The following KIF1A variants were observed in gnomAD, a reference collection of about 807,000 sequenced individuals.
KIF1A encodes the protein kinesin-like protein KIF1A.
Under a neutral mutation model 227.3 loss-of-function variants are expected in KIF1A, and 46 were observed. That is an observed-to-expected ratio of 0.20 (90% confidence interval 0.16 to 0.26). The LOEUF (loss-of-function observed/expected upper bound fraction) is 0.26. Ranked by LOEUF, KIF1A falls within the 10% of genes least tolerant of loss-of-function variation. The pLI, the probability that KIF1A is intolerant of heterozygous loss-of-function variation, is 1.00. For missense variants in KIF1A, 1,683 were observed against 2,485.9 expected, an observed-to-expected ratio of 0.68 and a Z score of 6.87; for synonymous variants, 1,022 against 1,012.8, an observed-to-expected ratio of 1.01 and a Z score of -0.17.
chr2:240,740,634 G>C lies in KIF1A; in HGVS notation c.3750-270C>G, dbSNP rs889718346. On this transcript the variant is annotated intron_variant, in intron 35 of 48. Transcript: ENST00000498729. The surrounding 1 kb of genome is among the most constrained non-coding windows in gnomAD (Gnocchi z 6.1). The stretch of plus-strand genomic sequence containing the variant: ...GGCACAGCCTGGCCCCTCTGGGCTG[G>C]ATCTTTGTAAGTTCCCAAGGGTCCT... Among the ~76,000 whole-genome samples, 1 of 152,078 alleles carries C rather than the reference G, an allele frequency of 6.6e-6. No homozygotes were observed. The highest frequency in any genetic ancestry group is 2.4e-5 in the African/African-American group (1 of 41,404).
chr2:240,788,027 C>G lies in KIF1A; in HGVS notation c.363+24G>C. 6.8e-7 allele frequency: 1 copy of G among 1,469,028 alleles called. No homozygotes were observed. The highest frequency in any genetic ancestry group is 9.3e-7 in the Non-Finnish European group (1 of 1,075,006). The allele number at this position is 1,469,028 out of a possible 1,614,324, so 91.0% of individuals were successfully genotyped here. On this transcript the variant is annotated intron_variant, in intron 4 of 48. Coordinates refer to ENST00000498729, the MANE Select transcript of KIF1A (RefSeq NM_001244008.2). The surrounding 1 kb of genome is among the most constrained non-coding windows in gnomAD (Gnocchi z 6.6). ...GTCCCGCCCCATCTGCCAGGGCTGC[C>G]CCCGCCCGCCCCCCGCTTCGTGCCT...
intron 45 of KIF1A, 133 bp from the exon 46 acceptor site, chr2:240,720,059 C>G: frequency 2.5e-6 from 2 of 812,820 alleles, no homozygotes; most frequent in Non-Finnish European, 3.5e-6. Flanking sequence ...TCCAGCTGTG[C>G]CCACAGTGGG....
At position 240,737,056 on chromosome 2, in the gene KIF1A, G is replaced by A. The variant is rs555842583; in HGVS notation, c.4007+7C>T. The A allele has an allele frequency of 1.5e-4, 244 of 1,607,312 alleles. 1 individual carries two copies. In the South Asian group the frequency reaches 2.3e-3, roughly 15 times the overall value. ...TGGGCCCTGTCTCCAGGGAGTCTCCGACTCACCGGTCATCTTGGGCTGGGT... is the reference window on the plus strand; with the variant it reads ...TGGGCCCTGTCTCCAGGGAGTCTCCAACTCACCGGTCATCTTGGGCTGGGT... On this transcript the variant is annotated splice_region_variant and intron_variant, in intron 38 of 48. Coordinates refer to ENST00000498729, the MANE Select transcript of KIF1A (RefSeq NM_001244008.2).
At chr2:240,808,806 C>T (rs531607888) in intron 1 of KIF1A, among the ~76,000 whole-genome samples, 1 of 152,212 alleles carries the variant, frequency 6.6e-6, no homozygotes, top group African/African-American at 2.4e-5. Flanking sequence ...TCTTGACTCA[C>T]TGCAACCTCC....
intron 10 of KIF1A, among the ~76,000 whole-genome samples, chr2:240,780,421 C>T (rs912013224): frequency 1.3e-5 from 2 of 152,100 alleles, no homozygotes; most frequent in Non-Finnish European, 2.9e-5. Context: ...ACACACTTCC[C>T]GCCTGCTTCC....
At chr2:240,779,244 ACT>A (rs1365145468) in intron 10 of KIF1A, among the ~76,000 whole-genome samples, 8 of 144,940 alleles carry the variant, frequency 5.5e-5, no homozygotes, top group African/African-American at 1.9e-4. Context: ...TCAGTCCCTC[ACT>A]CAGTTCCACA....
chr2:240,754,734 C>T (rs540306410), intron 27 of KIF1A, among the ~76,000 whole-genome samples: 21 of 152,326 alleles, frequency 1.4e-4, no homozygotes, highest in African/African-American at 5.1e-4. Flanking sequence ...CTACCAGCCA[C>T]AGACACACCC....
chr2:240,777,339 C>T (rs111913908), intron 10 of KIF1A, among the ~76,000 whole-genome samples: 6,048 of 152,268 alleles, frequency 0.04, 181 homozygotes, highest in Middle Eastern at 0.071. Flanking sequence ...CCACCGCGCC[C>T]GGCCTCTAGT....
chr2:240,769,021 G>A, intron 17 of KIF1A, 112 bp downstream of exon 17: 1 of 915,216 alleles, frequency 1.1e-6, no homozygotes, highest in Non-Finnish European at 1.8e-6. Context: ...CTGGGCCAGA[G>A]CCCCACCGTG....
intron 10 of KIF1A, among the ~76,000 whole-genome samples, chr2:240,777,659 G>A (rs987943341): frequency 6.6e-6 from 1 of 152,128 alleles, no homozygotes; most frequent in African/African-American, 2.4e-5. Context: ...GCCTGAGGAC[G>A]CACCCTTGGC....
In KIF1A at chr2:240,757,454, T is replaced by TCCC; in HGVS notation, c.2720_2722dup (p.Gly907dup). 1.3e-6 allele frequency: 2 copies of TCCC among 1,502,876 alleles called. No individual in the cohort carries two copies. Among genetic ancestry groups the TCCC allele is most frequent in the Non-Finnish European group, 1.8e-6 (2 of 1,121,830 alleles). 93.1% of individuals were successfully genotyped at this position (1,502,876 alleles called of 1,614,324 possible). ...CTCCTCCTCCTCCTCCTCCTCCTCC[T>TCCC]CCCCCACGCTCTGCTCCTCGGCAGG... On this transcript the variant is annotated inframe_insertion, in exon 27 of 49. Transcript: ENST00000498729. The surrounding 1 kb of genome is among the most constrained non-coding windows in gnomAD (Gnocchi z 6.2).
chr2:240,799,640 CT>C (rs1559540354), intron 1 of KIF1A, among the ~76,000 whole-genome samples: 2 of 152,156 alleles, frequency 1.3e-5, no homozygotes, highest in Non-Finnish European at 2.9e-5. Flanking sequence ...AATCCCTGCA[CT>C]TTTAAAACTG....
intron 1 of KIF1A, among the ~76,000 whole-genome samples, chr2:240,812,868 AGCCTTCACTCGGGGATCC>A (rs1559549869): frequency 1.0e-3 from 79 of 77,866 alleles, no homozygotes; most frequent in Admixed American, 1.5e-3. Context: ...CTCGGGGATC[AGCCTTCACTCGGGGATCC>A]GCCTTCACCT....
chr2:240,727,628 AGCG>A (rs2046179966), intron 38 of KIF1A, among the ~76,000 whole-genome samples: 1 of 152,200 alleles, frequency 6.6e-6, no homozygotes, highest in Non-Finnish European at 1.5e-5. Context: ...CACGGGAGAC[AGCG>A]GCGGCCTCGC....
At chr2:240,734,135 G>A (rs1015885260) in intron 38 of KIF1A, among the ~76,000 whole-genome samples, 3 of 152,208 alleles carry the variant, frequency 2.0e-5, no homozygotes, top group Non-Finnish European at 4.4e-5. Context: ...GGCTGGAGCC[G>A]CTGTCCCTCC....
chr2:240,800,419 G>A (rs141863665), intron 1 of KIF1A, among the ~76,000 whole-genome samples: 10 of 152,284 alleles, frequency 6.6e-5, no homozygotes, highest in East Asian at 3.9e-4. Flanking sequence ...TGTGTGTGAA[G>A]GAATCAGTGT....
chr2:240,723,816 C>T lies in KIF1A; in HGVS notation c.4318+159G>A, dbSNP rs1315717859. On this transcript the variant is annotated intron_variant, in intron 41 of 48. Coordinates refer to ENST00000498729, the MANE Select transcript of KIF1A (RefSeq NM_001244008.2). ...CAGCAGGCCTGACTCTCCTCCCTCG[C>T]TCTCCTCCCATCTCAGAACAACTCC... Among the ~76,000 whole-genome samples, 4 of 152,334 alleles carry T rather than the reference C, an allele frequency of 2.6e-5. No individual in the cohort carries two copies. In the South Asian group the frequency reaches 8.3e-4, roughly 32 times the overall value.
chr2:240,738,595 G>A (rs192656540), intron 37 of KIF1A, among the ~76,000 whole-genome samples: 7 of 152,282 alleles, frequency 4.6e-5, no homozygotes, highest in African/African-American at 1.4e-4. Flanking sequence ...GCTCAGTCAC[G>A]AAGCCCAGAG....
At chr2:240,818,196 G>A (rs1171143269) in intron 1 of KIF1A, among the ~76,000 whole-genome samples, 1 of 152,038 alleles carries the variant, frequency 6.6e-6, no homozygotes. Flanking sequence ...TCCACCCTGC[G>A]GACCTGCCCG....
Sources: allele counts gnomAD v4.1 joint callset (sites outside exome capture counted in the v4.1 genomes callset), GRCh38; gene constraint gnomAD v4.1.1; non-coding constraint Gnocchi (gnomAD v3.1); transcripts MANE v1.5; gene names NCBI Gene and HGNC (gene_info 2026-07-23, HGNC 2026-07-21).